SEZ6: variants seen among roughly 807,000 people sequenced by gnomAD.
The protein encoded by SEZ6 is seizure protein 6 homolog.
A neutral mutation model predicts 101.0 loss-of-function variants in SEZ6; 53 were observed. That is an observed-to-expected ratio of 0.52 (90% CI 0.42 to 0.66). SEZ6 has a LOEUF of 0.66. SEZ6 is among the 30% of genes least tolerant of loss of function. The pLI is 0.00. For missense variants in SEZ6, 1,102 were observed against 1,289.4 expected (o/e 0.85, Z 2.23); for synonymous variants, 488 against 512.2 (o/e 0.95, Z 0.64).
intron 1 of SEZ6, among the ~76,000 whole-genome samples, chr17:28,983,738 A>C (rs940562093): frequency 2.6e-5 from 4 of 152,124 alleles, no homozygotes; most frequent in Admixed American, 1.3e-4. Flanking sequence ...TACAGCTCTC[A>C]AAATGGCTGC....
intron 1 of SEZ6, among the ~76,000 whole-genome samples, chr17:29,001,015 G>A (rs1477152204): frequency 6.6e-6 from 1 of 152,136 alleles, no homozygotes; most frequent in Admixed American, 6.5e-5. Context: ...ATGGCCATCA[G>A]CACCCTATCC....
At chr17:28,976,449 A>C (rs1476875109) in intron 3 of SEZ6, among the ~76,000 whole-genome samples, 2 of 151,710 alleles carry the variant, frequency 1.3e-5, no homozygotes. Context: ...GGCTCCTGTC[A>C]CTCTTCTTGC....
intron 1 of SEZ6, among the ~76,000 whole-genome samples, chr17:28,986,248 C>G (rs1371469927): frequency 6.6e-6 from 1 of 152,240 alleles, no homozygotes; most frequent in African/African-American, 2.4e-5. Flanking sequence ...CTCCCGCCTC[C>G]CTGCCCGCGC....
chr17:28,967,900 T>C (rs750469436), intron 4 of SEZ6, among the ~76,000 whole-genome samples: 19 of 152,076 alleles, frequency 1.2e-4, no homozygotes, highest in Non-Finnish European at 2.2e-4. Context: ...ACCACTGCAA[T>C]CTGTTGAGTT....
intron 3 of SEZ6, among the ~76,000 whole-genome samples, chr17:28,974,219 G>A (rs916182893): frequency 6.6e-6 from 1 of 152,168 alleles, no homozygotes; most frequent in African/African-American, 2.4e-5. Flanking sequence ...TGACTCTTGT[G>A]TGCGATCCCC....
At chr17:28,982,173 G>A (rs932878459) in intron 1 of SEZ6, 134 bp from the exon 2 acceptor site, 31 of 1,407,724 alleles carry the variant, frequency 2.2e-5, no homozygotes, top group Non-Finnish European at 2.8e-5. Context: ...TGAGAATCAC[G>A]GAACTACAGA....
chr17:28,982,979 T>G (rs1829091626), intron 1 of SEZ6, among the ~76,000 whole-genome samples: 1 of 112,912 alleles, frequency 8.9e-6, no homozygotes, highest in Admixed American at 9.0e-5. Context: ...GGTGCATGAC[T>G]TCTTTGTTAG....
At chr17:28,977,383 G>A (rs1014831123) in intron 3 of SEZ6, among the ~76,000 whole-genome samples, 1 of 152,258 alleles carries the variant, frequency 6.6e-6, no homozygotes, top group African/African-American at 2.4e-5. Flanking sequence ...CGTCCGGGCC[G>A]ACAGTGTCCC....
chr17:28,981,905 A>T lies in SEZ6; in HGVS notation c.190T>A (p.Leu64Met). The change falls in exon 2 of 17, where the codon TTG becomes ATG. Residue 64 changes from leucine to methionine, a missense_variant. By Grantham distance (15) the Leu-to-Met change is conservative. This residue lies in a region of SEZ6 where 406 missense variants were observed against 418.6 expected (regional missense o/e 0.97). Transcript: ENST00000317338. ...GVHFVTTAPT[L>M]KLLNHHPLLE... is the part of the protein sequence containing the mutation. ...AGCGGGTGGTGGTTGAGCAGCTTCA[A>T]GGTGGGGGCTGTTGTGACAAAGTGG... The T allele has an allele frequency of 6.2e-7, 1 of 1,613,862 alleles. No individual in the cohort carries two copies. The highest frequency in any genetic ancestry group is 8.5e-7 in the Non-Finnish European group (1 of 1,179,866).
At chr17:29,003,105 C>T (rs892771635) in intron 1 of SEZ6, among the ~76,000 whole-genome samples, 1 of 152,204 alleles carries the variant, frequency 6.6e-6, no homozygotes, top group African/African-American at 2.4e-5. Context: ...GCCACATTCA[C>T]ACATGCAGAG....
chr17:28,987,695 C>T (rs2152690807), intron 1 of SEZ6, among the ~76,000 whole-genome samples: 1 of 152,218 alleles, frequency 6.6e-6, no homozygotes, highest in South Asian at 2.1e-4. Context: ...AGCTGCCATT[C>T]ACTTACTCGG....
intron 5 of SEZ6, 151 bp downstream of exon 5, chr17:28,963,804 CAATAAGT>C: frequency 1.3e-6 from 1 of 780,068 alleles, no homozygotes; most frequent in Non-Finnish European, 2.1e-6. Flanking sequence ...GGTAGATGCT[CAATAAGT>C]GCAGGTTGGA....
At chr17:28,969,277 G>C (rs2041114709) in intron 4 of SEZ6, among the ~76,000 whole-genome samples, 1 of 152,202 alleles carries the variant, frequency 6.6e-6, no homozygotes, top group African/African-American at 2.4e-5. Context: ...CAGTCTGGCA[G>C]CTAAGCAGAT....
At chr17:28,970,078 C>A in intron 3 of SEZ6, 126 bp from the exon 4 acceptor site, 2 of 826,004 alleles carry the variant, frequency 2.4e-6, no homozygotes, top group Non-Finnish European at 1.7e-6. Flanking sequence ...AGCATCGGAG[C>A]CCCCAGGCCC....
chr17:28,982,003 T>C lies in SEZ6; in HGVS notation c.92A>G (p.Gln31Arg), dbSNP rs758832110. The C allele has an allele frequency of 3.1e-6, 5 of 1,609,538 alleles. No individual in the cohort carries two copies. The change falls in exon 2 of 17, where the codon CAA becomes CGA. Residue 31 changes from glutamine (Q) to arginine (R), a missense_variant. Gln to Arg is a conservative substitution (Grantham distance 43, BLOSUM62 1). Coordinates refer to ENST00000317338, the MANE Select transcript of SEZ6 (RefSeq NM_178860.5). ...ATCTGTCTCCTCGATGCCTGGGGCT[T>C]GTCCTTTCCCCACGGTTGGGGCCTC... ...SLEAPTVGKGQAPGIEETDGE... is the reference protein window; with the variant it reads ...SLEAPTVGKGRAPGIEETDGE...
At chr17:28,994,379 G>C (rs547135615) in intron 1 of SEZ6, among the ~76,000 whole-genome samples, 1 of 152,114 alleles carries the variant, frequency 6.6e-6, no homozygotes, top group Non-Finnish European at 1.5e-5. Context: ...AGGTTCAAGC[G>C]ATTCTCTTGC....
chr17:28,996,155 A>T (rs1358147371), intron 1 of SEZ6, among the ~76,000 whole-genome samples: 1 of 147,094 alleles, frequency 6.8e-6, no homozygotes, highest in Non-Finnish European at 1.5e-5. Context: ...GGGTGCCTGT[A>T]GTCCCAGCCA....
In SEZ6 at chr17:28,955,454, A is replaced by T. The variant is rs7226244; in HGVS notation, c.*508T>A. 751 of 360,908 alleles carry T rather than the reference A, an allele frequency of 2.1e-3. 5 individuals carry two copies. The highest frequency in any genetic ancestry group is 0.015 in the African/African-American group (697 of 47,032). 22.4% of individuals were successfully genotyped at this position (360,908 alleles called of 1,614,324 possible). A position where few individuals can be genotyped will look rare whatever the true frequency, so the allele number is the denominator to read the frequency against. On this transcript the variant is annotated 3_prime_UTR_variant, in exon 17 of 17. Transcript: ENST00000317338. ...TTTAGAGAACTAGAGACCTCCCAAG[A>T]GGCTGATGTTGGCATGCCAGGACTA...
At chr17:28,971,886 G>C (rs1447094649) in intron 3 of SEZ6, among the ~76,000 whole-genome samples, 1 of 152,224 alleles carries the variant, frequency 6.6e-6, no homozygotes, top group African/African-American at 2.4e-5. Context: ...TTTCACTTGA[G>C]AATGGCTTTC....
Sources: allele counts gnomAD v4.1 joint callset (sites outside exome capture counted in the v4.1 genomes callset), GRCh38; gene constraint gnomAD v4.1.1; regional missense constraint gnomAD v4.1.1; transcripts MANE v1.5; gene names NCBI Gene and HGNC (gene_info 2026-07-23, HGNC 2026-07-21).